The following TBCD variants were observed in gnomAD, a reference collection of about 807,000 sequenced individuals.
TBCD encodes tubulin folding cofactor D.
TBCD carries 105 observed loss-of-function variants against 169.3 expected under a neutral mutation model. The ratio of observed to expected loss-of-function variants is 0.62; its 90% CI spans 0.53 to 0.73. The LOEUF is 0.73. Among genes scored for constraint, TBCD ranks in the 30% least tolerant of loss-of-function variants. The pLI, the probability that TBCD is intolerant of heterozygous loss-of-function variation, is 0.00. For synonymous variants in TBCD, 700 were observed against 643.9 expected (o/e 1.09, Z -1.32); for missense variants, 1,444 against 1,600.1 (o/e 0.90, Z 1.66).
chr17:82,888,179 C>T (rs113562700), intron 15 of TBCD, among the ~76,000 whole-genome samples: 7 of 152,166 alleles, frequency 4.6e-5, no homozygotes, highest in Admixed American at 1.3e-4. Flanking sequence ...CCACCTCGCC[C>T]GGTCCCGGGG....
rs1043970519 is a variant in TBCD at position 82,752,412 on chromosome 17, C to T, written c.184+35C>T. 3.3e-6 allele frequency: 4 copies of T among 1,203,024 alleles called. No individual in the cohort carries two copies. In the African/African-American group the frequency reaches 6.4e-5, roughly 19 times the overall value. The allele number at this position is 1,203,024 out of a possible 1,614,324, so 74.5% of individuals were successfully genotyped here. A position where few individuals can be genotyped will look rare whatever the true frequency, so the allele number is the denominator to read the frequency against. ...CGGCGCCGCGTGCCCGCTTCCTCCC[C>T]CGGCCCGGGTTCGGCGCGCTGAGTG... On this transcript the variant is annotated intron_variant, in intron 1 of 38. Transcript: ENST00000355528.
intron 17 of TBCD, among the ~76,000 whole-genome samples, chr17:82,894,664 T>C: frequency 6.6e-6 from 1 of 152,226 alleles, no homozygotes; most frequent in Non-Finnish European, 1.5e-5. Flanking sequence ...AGTTCTTTCC[T>C]ATTAATACTT....
intron 17 of TBCD, 37 bp downstream of exon 17, chr17:82,893,669 C>A (rs760971269): frequency 6.9e-7 from 1 of 1,443,672 alleles, no homozygotes; most frequent in Non-Finnish European, 9.5e-7. Flanking sequence ...ATAGAATACT[C>A]TAAAATCAGA....
At position 82,776,827 on chromosome 17, in the gene TBCD, C is replaced by T. The variant is rs143630205; in HGVS notation, c.638+4320C>T. On this transcript the variant is annotated intron_variant, in intron 6 of 38. Coordinates refer to ENST00000355528, the MANE Select transcript of TBCD (RefSeq NM_005993.5). ...GCTCTCTGAGCAGTGCTTTGGTGGC[C>T]GAGGCAGCCCCAGGAACACCCCACC... Among the ~76,000 whole-genome samples the T allele has an allele frequency of 9.6e-4, 146 of 152,242 alleles. 3 individuals carry two copies. In the East Asian group the frequency reaches 0.025, roughly 26 times the overall value.
At chr17:82,839,863 T>C (rs1054287946) in intron 13 of TBCD, 13 of 152,284 alleles carry the variant, frequency 8.5e-5, no homozygotes, top group African/African-American at 2.9e-4. Context: ...CTGGGTATTT[T>C]AGATACGTCT....
chr17:82,941,353 C>A, intron 37 of TBCD, 46 bp from the exon 38 acceptor site: 1 of 1,519,386 alleles, frequency 6.6e-7, no homozygotes, highest in South Asian at 1.2e-5. Context: ...ACCTGAGGTT[C>A]TCCGGTGGGC....
In TBCD at chr17:82,925,046, C is replaced by G; in HGVS notation, c.2368C>G (p.Arg790Gly). ...CCTTCCAGGCTTCCTTCTGAAAGGC[C>G]GGCTCCAGCAGGTGAGGCTGGCCAC... is the stretch of plus-strand genomic sequence containing the variant. ...GALPGFLLKG[R>G]LQQVLTGLRA... The change falls in exon 27 of 39, where the codon CGG (arginine) becomes GGG (glycine). Residue 790 changes from arginine to glycine, a missense_variant. Physicochemically the swap from Arg to Gly is moderately radical, Grantham distance 125. Transcript: ENST00000355528. 1 of 1,556,354 alleles carries G rather than the reference C, an allele frequency of 6.4e-7. No homozygotes were observed. The highest frequency in any genetic ancestry group is 2.4e-5 in the East Asian group (1 of 41,538).
At chr17:82,834,054 C>T (rs1027264194) in intron 13 of TBCD, among the ~76,000 whole-genome samples, 2 of 152,114 alleles carry the variant, frequency 1.3e-5, no homozygotes, top group African/African-American at 4.8e-5. Flanking sequence ...AAGCGATTCT[C>T]CTGCCTCAGC....
chr17:82,770,820 C>G (rs1374382559), intron 5 of TBCD, among the ~76,000 whole-genome samples: 2 of 151,666 alleles, frequency 1.3e-5, no homozygotes, highest in Non-Finnish European at 2.9e-5. Flanking sequence ...TTAAGACCAG[C>G]CTGGACAAGA....
Position 82,752,128 on chromosome 17 carries a change from T to C in TBCD, c.-66T>C. The C allele has an allele frequency of 7.1e-7, 1 of 1,417,140 alleles. No homozygotes were observed. 87.8% of individuals were successfully genotyped at this position (1,417,140 alleles called of 1,614,324 possible). On this transcript the variant is annotated 5_prime_UTR_variant, in exon 1 of 39. Coordinates refer to ENST00000355528, the MANE Select transcript of TBCD (RefSeq NM_005993.5). ...CATCCCTCATCCTTCATCCCTGGCT[T>C]TCGCGCTCTAGCGGAGTGGGATCTG...
At chr17:82,822,007 A>T (rs2052454062) in intron 13 of TBCD, among the ~76,000 whole-genome samples, 1 of 152,258 alleles carries the variant, frequency 6.6e-6, no homozygotes, top group East Asian at 1.9e-4. Flanking sequence ...TTCATCGAAG[A>T]CGTACAAGCA....
chr17:82,831,519 G>A lies in TBCD; in HGVS notation c.1318+16585G>A, dbSNP rs754934184. On this transcript the variant is annotated intron_variant, in intron 13 of 38. Transcript: ENST00000355528. The surrounding 1 kb of genome is among the most constrained non-coding windows in gnomAD (Gnocchi z 4.6). ...ATCCGTAAGGAATCGGCAGGTTAGA[G>A]GGATATTGCTGGAAAAACCTGTAGT... 3.7e-5 allele frequency: 60 copies of A among 1,614,160 alleles called. 1 individual carries two copies. In the Middle Eastern group the frequency reaches 1.5e-3, roughly 40 times the overall value.
At chr17:82,850,034 TGTTGTTGGCTGTGCTGTTGTTG>T (rs2145627596) in intron 13 of TBCD, among the ~76,000 whole-genome samples, 2 of 103,346 alleles carry the variant, frequency 1.9e-5, no homozygotes, top group South Asian at 7.8e-4. Flanking sequence ...TTGGCTGTGC[TGTTGTTGGCTGTGCTGTTGTTG>T]GCTGTGCTGC....
intron 5 of TBCD, among the ~76,000 whole-genome samples, chr17:82,770,111 CAG>C (rs2048229818): frequency 6.6e-6 from 1 of 152,156 alleles, no homozygotes. Context: ...TGCTCTTCAT[CAG>C]GGCTCAGCAT....
chr17:82,779,686 C>T (rs536372722), intron 6 of TBCD, among the ~76,000 whole-genome samples: 1 of 152,342 alleles, frequency 6.6e-6, no homozygotes, highest in African/African-American at 2.4e-5. Context: ...GGAGCCGGCT[C>T]TCGCGCAGGC....
intron 23 of TBCD, chr17:82,912,911 C>A (rs567993564): frequency 6.6e-6 from 1 of 152,390 alleles, no homozygotes; most frequent in South Asian, 2.1e-4. Flanking sequence ...ATCCTAGAAA[C>A]GTGAGCCAGT....
At position 82,942,551 on chromosome 17, in the gene TBCD, G is replaced by A. The variant is rs1346160372; in HGVS notation, c.*88G>A. The A allele has an allele frequency of 6.3e-7, 1 of 1,585,234 alleles. No homozygotes were observed. The highest frequency in any genetic ancestry group is 8.7e-7 in the Non-Finnish European group (1 of 1,155,968). ...CCGGTGTGGAAAGCCTCGCACAGTG[G>A]TGCCTCCAGCTGTTGAAGGGTAGCG... On this transcript the variant is annotated 3_prime_UTR_variant, in exon 39 of 39. Coordinates refer to ENST00000355528, the MANE Select transcript of TBCD (RefSeq NM_005993.5).
In TBCD at chr17:82,915,392, A is replaced by G. The variant is rs1411813847; in HGVS notation, c.2038+3603A>G. 6.6e-6 allele frequency among the ~76,000 whole-genome samples: 1 copy of G among 152,154 alleles called. No homozygotes were observed. Among genetic ancestry groups the G allele is most frequent in the Non-Finnish European group, 1.5e-5 (1 of 68,030 alleles). On this transcript the variant is annotated intron_variant, in intron 23 of 38. Transcript: ENST00000355528. The surrounding 1 kb of genome is among the most constrained non-coding windows in gnomAD (Gnocchi z 4.3). Reference sequence around the variant, plus strand: ...TCATACAGGTTGGCCTTTGTCGTGAATATTCACGAGAGGAGATGAACATCC... The same window carrying G: ...TCATACAGGTTGGCCTTTGTCGTGAGTATTCACGAGAGGAGATGAACATCC...
intron 34 of TBCD, among the ~76,000 whole-genome samples, chr17:82,934,680 C>G (rs562330989): frequency 1.3e-5 from 2 of 150,860 alleles, no homozygotes; most frequent in African/African-American, 4.9e-5. Flanking sequence ...CCATGTTGGT[C>G]AGGCTGGTCT....
Sources: gnomAD v4.1 joint callset for allele counts (sites outside exome capture counted in the v4.1 genomes callset) on GRCh38, gnomAD v4.1.1 for gene constraint, Gnocchi (gnomAD v3.1) non-coding constraint, MANE v1.5 for transcripts, NCBI Gene and HGNC (gene_info 2026-07-23, HGNC 2026-07-21) for gene names.